Variants in CNTNAP5 observed in about 807,000 individuals in gnomAD.
CNTNAP5 encodes the protein contactin associated protein family member 5.
CNTNAP5 carries 72 observed loss-of-function variants against 150.2 expected under a neutral mutation model. The observed-to-expected ratio is 0.48, with a 90% CI of 0.40 to 0.58. CNTNAP5 has a LOEUF of 0.58. Ranked by LOEUF, CNTNAP5 falls within the 20% of genes least tolerant of loss-of-function variation. CNTNAP5 has a pLI of 0.00. For missense variants in CNTNAP5, 1,636 were observed against 1,626.2 expected (o/e 1.01, Z -0.10); for synonymous variants, 672 against 619.8 (o/e 1.08, Z -1.25).
chr2:124,400,692 T>C (rs1691398401), intron 3 of CNTNAP5, among the ~76,000 whole-genome samples: 1 of 146,192 alleles, frequency 6.8e-6, no homozygotes, highest in East Asian at 2.0e-4. Context: ...TTTTTTTGTT[T>C]TTTTTCTTTA....
chr2:124,826,022 CA>C (rs1682585220), intron 19 of CNTNAP5, among the ~76,000 whole-genome samples: 1 of 152,008 alleles, frequency 6.6e-6, no homozygotes, highest in African/African-American at 2.4e-5. Flanking sequence ...GATATGCTTG[CA>C]TTTTAGTATG....
At chr2:124,258,790 G>A (rs1313838126) in intron 3 of CNTNAP5, among the ~76,000 whole-genome samples, 1 of 152,046 alleles carries the variant, frequency 6.6e-6, no homozygotes, top group African/African-American at 2.4e-5. Flanking sequence ...AATAGGACAT[G>A]TATGCATCAT....
intron 13 of CNTNAP5, among the ~76,000 whole-genome samples, chr2:124,698,515 G>A (rs1338649082): frequency 6.6e-6 from 1 of 151,986 alleles, no homozygotes; most frequent in Admixed American, 6.6e-5. Context: ...GAACATTTTT[G>A]TATTTTGTTC....
chr2:124,258,871 T>C (rs542520842), intron 3 of CNTNAP5, among the ~76,000 whole-genome samples: 115 of 151,974 alleles, frequency 7.6e-4, no homozygotes, highest in Non-Finnish European at 1.4e-3. Context: ...TACTTTTTTT[T>C]TTTACTTTAA....
At chr2:124,780,925 T>C (rs1681436262) in intron 17 of CNTNAP5, among the ~76,000 whole-genome samples, 1 of 152,246 alleles carries the variant, frequency 6.6e-6, no homozygotes, top group African/African-American at 2.4e-5. Context: ...AATGACTTTC[T>C]TTAGCAGAAT....
chr2:124,836,678 T>C (rs1023544067), intron 19 of CNTNAP5, among the ~76,000 whole-genome samples: 2 of 152,090 alleles, frequency 1.3e-5, no homozygotes, highest in Non-Finnish European at 1.5e-5. Context: ...CCATCTGTGC[T>C]CTTGAGTGTT....
chr2:124,630,190 T>G (rs1677821533), intron 12 of CNTNAP5, among the ~76,000 whole-genome samples: 1 of 151,958 alleles, frequency 6.6e-6, no homozygotes, highest in African/African-American at 2.4e-5. Flanking sequence ...TTCCAAACAA[T>G]TGAAAAGGAA....
At chr2:124,515,121 C>T (rs1367598854) in intron 8 of CNTNAP5, among the ~76,000 whole-genome samples, 1 of 152,150 alleles carries the variant, frequency 6.6e-6, no homozygotes, top group Non-Finnish European at 1.5e-5. Context: ...GAAATATGAG[C>T]CAGGCATTAA....
At chr2:124,276,212 TACA>T (rs1687880694) in intron 3 of CNTNAP5, among the ~76,000 whole-genome samples, 2 of 152,134 alleles carry the variant, frequency 1.3e-5, no homozygotes, top group East Asian at 3.9e-4. Context: ...TGTGATATAA[TACA>T]AGTCTAAAGT....
chr2:124,150,696 A>G (rs1684385307), intron 1 of CNTNAP5, among the ~76,000 whole-genome samples: 1 of 152,044 alleles, frequency 6.6e-6, no homozygotes, highest in African/African-American at 2.4e-5. Context: ...AGAAAAAGAG[A>G]ACAAGCTGTC....
chr2:124,809,714 A>G (rs1201548742), intron 19 of CNTNAP5, among the ~76,000 whole-genome samples: 3 of 152,234 alleles, frequency 2.0e-5, no homozygotes, highest in Non-Finnish European at 4.4e-5. Flanking sequence ...AAATTAAAAA[A>G]GTGGGCAATC....
chr2:124,438,461 C>A (rs1443368343), intron 5 of CNTNAP5, among the ~76,000 whole-genome samples: 1 of 152,046 alleles, frequency 6.6e-6, no homozygotes, highest in Non-Finnish European at 1.5e-5. Flanking sequence ...TATAAGAGCC[C>A]AGTGCCTTTT....
chr2:124,489,357 C>A (rs1558924457), intron 7 of CNTNAP5, among the ~76,000 whole-genome samples: 1 of 152,334 alleles, frequency 6.6e-6, no homozygotes, highest in East Asian at 1.9e-4. Context: ...TTCTCCCTGT[C>A]TTCACATAGT....
intron 10 of CNTNAP5, among the ~76,000 whole-genome samples, chr2:124,537,618 G>A (rs537893218): frequency 1.5e-4 from 23 of 152,258 alleles, no homozygotes; most frequent in African/African-American, 5.5e-4. Flanking sequence ...ATCTGGAACT[G>A]CCCAGAAAAA....
rs186439640 is a variant in CNTNAP5 at position 124,886,916 on chromosome 2, T to C, written c.3437-15966T>C. On this transcript the variant is annotated intron_variant, in intron 21 of 23. Coordinates refer to ENST00000682447, the MANE Select transcript of CNTNAP5 (RefSeq NM_001367498.1). ...GGCTGCAAACACATACCCAGCCACT[T>C]TGACTGTTAATGAGCTCTCATTCTC... 1.3e-3 allele frequency among the ~76,000 whole-genome samples: 201 copies of C among 152,190 alleles called. 4 individuals carry two copies. The highest frequency in any genetic ancestry group is 4.7e-3 in the African/African-American group (194 of 41,530).
At chr2:124,244,123 C>A (rs928344138) in intron 3 of CNTNAP5, among the ~76,000 whole-genome samples, 3 of 152,020 alleles carry the variant, frequency 2.0e-5, no homozygotes, top group African/African-American at 7.2e-5. Flanking sequence ...TTCTTTAGAA[C>A]CAAATAATCT....
At chr2:124,720,720 A>G (rs1201423384) in intron 13 of CNTNAP5, among the ~76,000 whole-genome samples, 2 of 152,202 alleles carry the variant, frequency 1.3e-5, no homozygotes, top group East Asian at 1.9e-4. Context: ...TTAAAATGTC[A>G]ACTTTGAATC....
At chr2:124,566,937 G>A (rs1304579725) in intron 11 of CNTNAP5, among the ~76,000 whole-genome samples, 1 of 152,200 alleles carries the variant, frequency 6.6e-6, no homozygotes, top group Non-Finnish European at 1.5e-5. Context: ...TTCTGCACTT[G>A]TGGAAATGAC....
chr2:124,451,051 A>AAATAT (rs1360743225), intron 6 of CNTNAP5, among the ~76,000 whole-genome samples: 4 of 65,302 alleles, frequency 6.1e-5, no homozygotes, highest in Non-Finnish European at 1.0e-4. Context: ...AAAAAAAAAA[A>AAATAT]ATATATATAT....
Sources: gnomAD v4.1 joint callset for allele counts (sites outside exome capture counted in the v4.1 genomes callset) on GRCh38, gnomAD v4.1.1 for gene constraint, MANE v1.5 for transcripts, NCBI Gene and HGNC (gene_info 2026-07-23, HGNC 2026-07-21) for gene names.